RAD17: variants seen among roughly 807,000 people sequenced by gnomAD.
RAD17 encodes cell cycle checkpoint protein RAD17.
In RAD17, 31 loss-of-function variants were observed where a neutral mutation model predicts 81.5. The observed-to-expected ratio is 0.38, with a 90% confidence interval of 0.29 to 0.51. The LOEUF is 0.51. RAD17 is among the 20% of genes least tolerant of loss of function. The pLI is 0.88. For missense variants in RAD17, 681 were observed against 781.2 expected (o/e 0.87, Z 1.53); for synonymous variants, 261 against 266.2 (o/e 0.98, Z 0.19).
chr5:69,374,509 A>G, intron 5 of RAD17, 119 bp from the exon 6 acceptor site: 2 of 597,916 alleles, frequency 3.3e-6, no homozygotes, highest in South Asian at 5.6e-5. Flanking sequence ...ATTTTATTAT[A>G]TAGATTGTTA....
In RAD17 at chr5:69,369,868, C is replaced by G. The variant is rs1480698557; in HGVS notation, c.-482C>G. Reference sequence around the variant, plus strand: ...GCCCGGGTAGGGCCAGGTGGCTGCCCTTTCACCTAGGGTAGTCCCTGGTCG... The same window carrying G: ...GCCCGGGTAGGGCCAGGTGGCTGCCGTTTCACCTAGGGTAGTCCCTGGTCG... On this transcript the variant is annotated 5_prime_UTR_variant, in exon 1 of 19. Coordinates refer to ENST00000354868, the MANE Select transcript of RAD17 (RefSeq NM_133338.3). 8 of 674,840 alleles carry G rather than the reference C, an allele frequency of 1.2e-5. No individual in the cohort carries two copies. The highest frequency in any genetic ancestry group is 1.8e-5 in the Non-Finnish European group (7 of 395,772). 41.8% of individuals were successfully genotyped at this position (674,840 alleles called of 1,614,324 possible).
chr5:69,407,562 G>T (rs1436171896), intron 17 of RAD17, among the ~76,000 whole-genome samples: 12 of 40,914 alleles, frequency 2.9e-4, no homozygotes, highest in Non-Finnish European at 3.7e-4. Context: ...CTATGTCCAA[G>T]TTTTTTTTTT....
intron 7 of RAD17, 124 bp from the exon 8 acceptor site, chr5:69,384,673 C>A: frequency 1.1e-6 from 1 of 883,344 alleles, no homozygotes; most frequent in Non-Finnish European, 1.6e-6. Flanking sequence ...AATGATTTTT[C>A]CTAATTGGGA....
chr5:69,386,064 C>T lies in RAD17; in HGVS notation c.667C>T (p.Arg223Trp), dbSNP rs749689267. The change falls in exon 9 of 19, where the codon CGG (arginine) becomes TGG (tryptophan). Residue 223 changes from arginine to tryptophan, a missense_variant. Arg to Trp is a moderately radical substitution (Grantham distance 101). Transcript: ENST00000354868. ...LVEDLPNQFY[R>W]DSHTLHEVLR... ...ATAGGATTTACCTAACCAGTTTTATCGGGATTCTCATACTTTACATGAAGT... is the reference window on the plus strand; with the variant it reads ...ATAGGATTTACCTAACCAGTTTTATTGGGATTCTCATACTTTACATGAAGT... 45 of 1,594,464 alleles carry T rather than the reference C, an allele frequency of 2.8e-5. No individual in the cohort carries two copies. In the East Asian group the frequency reaches 5.0e-4, roughly 18 times the overall value.
intron 17 of RAD17, among the ~76,000 whole-genome samples, chr5:69,402,754 CAT>C (rs1765356175): frequency 1.3e-5 from 2 of 151,974 alleles, no homozygotes; most frequent in Admixed American, 6.6e-5. Flanking sequence ...CATTTTTTAC[CAT>C]ATTTGCCTGA....
chr5:69,371,686 A>C (rs1047564726), intron 3 of RAD17, 129 bp downstream of exon 3: 13 of 492,008 alleles, frequency 2.6e-5, no homozygotes, highest in Non-Finnish European at 4.2e-5. Context: ...TAATGATTTA[A>C]GCAAGTCTGG....
intron 12 of RAD17, among the ~76,000 whole-genome samples, chr5:69,390,610 A>G (rs1384835910): frequency 6.6e-6 from 1 of 152,182 alleles, no homozygotes; most frequent in Admixed American, 6.5e-5. Context: ...TCACTCACTG[A>G]TGACCTTGAG....
At position 69,381,521 on chromosome 5, in the gene RAD17, C is replaced by G. The variant is rs192155506; in HGVS notation, c.352-380C>G. ...TAAATTTTATGAGTTCAGGTAACCT[C>G]TAAAAATCTTTGTTTCAGACATCAC... On this transcript the variant is annotated intron_variant, in intron 6 of 18. Transcript: ENST00000354868. Among the ~76,000 whole-genome samples the G allele has an allele frequency of 4.4e-3, 666 of 151,926 alleles. 8 individuals are homozygous for G. The highest frequency in any genetic ancestry group is 0.016 in the African/African-American group (649 of 41,482).
chr5:69,394,707 T>C (rs1437778599), intron 15 of RAD17, among the ~76,000 whole-genome samples: 3 of 152,218 alleles, frequency 2.0e-5, no homozygotes, highest in African/African-American at 7.2e-5. Context: ...ATTTCCATCA[T>C]TGCAGGGCGT....
chr5:69,382,139 A>G, intron 7 of RAD17, 82 bp downstream of exon 7: 4 of 1,431,654 alleles, frequency 2.8e-6, no homozygotes, highest in Non-Finnish European at 3.8e-6. Context: ...CTATGAGTGC[A>G]TTTTTTCCCA....
At chr5:69,379,633 AT>A (rs1195322356) in intron 6 of RAD17, among the ~76,000 whole-genome samples, 3 of 151,886 alleles carry the variant, frequency 2.0e-5, no homozygotes, top group Admixed American at 1.3e-4. Flanking sequence ...TATTCTATAA[AT>A]TTTTTTTGTA....
At chr5:69,376,562 T>C (rs1448582501) in intron 6 of RAD17, among the ~76,000 whole-genome samples, 1 of 152,232 alleles carries the variant, frequency 6.6e-6, no homozygotes, top group Non-Finnish European at 1.5e-5. Flanking sequence ...TCATATCCCC[T>C]GCCCCAACAC....
At chr5:69,381,745 T>C (rs1436526637) in intron 6 of RAD17, among the ~76,000 whole-genome samples, 156 bp from the exon 7 acceptor site, 1 of 152,204 alleles carries the variant, frequency 6.6e-6, no homozygotes. Context: ...TAAAGCTGGT[T>C]TATTCCAGCA....
intron 16 of RAD17, 29 bp from the exon 17 acceptor site, chr5:69,400,020 T>G (rs756438393): frequency 6.8e-6 from 10 of 1,467,130 alleles, no homozygotes; most frequent in South Asian, 6.6e-5. Context: ...CATTTTTCCT[T>G]TCATCTTTTT....
At chr5:69,379,962 C>T (rs1489446623) in intron 6 of RAD17, among the ~76,000 whole-genome samples, 1 of 151,720 alleles carries the variant, frequency 6.6e-6, no homozygotes, top group African/African-American at 2.4e-5. Context: ...CTCACTGCAA[C>T]CTCTGCCTCC....
At chr5:69,385,617 A>T (rs1259069251) in intron 8 of RAD17, among the ~76,000 whole-genome samples, 1 of 152,200 alleles carries the variant, frequency 6.6e-6, no homozygotes. Flanking sequence ...ATTGTGAGAT[A>T]TATCTTACAT....
At chr5:69,370,143 G>A in intron 1 of RAD17, 1 of 185,278 alleles carries the variant, frequency 5.4e-6, no homozygotes, top group Non-Finnish European at 1.1e-5. Flanking sequence ...GATTACGTTG[G>A]ACGAATATTT....
chr5:69,410,426 G>A, intron 17 of RAD17, 67 bp from the exon 18 acceptor site: 3 of 1,269,814 alleles, frequency 2.4e-6, no homozygotes, highest in South Asian at 1.2e-5. Flanking sequence ...ATCTTTTCAG[G>A]TGCTTATTGG....
chr5:69,391,793 T>C, intron 12 of RAD17, 38 bp from the exon 13 acceptor site: 1 of 1,321,268 alleles, frequency 7.6e-7, no homozygotes, highest in Non-Finnish European at 1.0e-6. Context: ...TTTTCATATT[T>C]TAATTTAAAT....
Sources: allele counts gnomAD v4.1 joint callset (sites outside exome capture counted in the v4.1 genomes callset), GRCh38; gene constraint gnomAD v4.1.1; transcripts MANE v1.5; gene names NCBI Gene and HGNC (gene_info 2026-07-23, HGNC 2026-07-21).